The following SYNPO variants were observed in gnomAD, a reference collection of about 807,000 sequenced individuals.
SYNPO encodes synaptopodin.
In SYNPO, 19 loss-of-function variants were observed where a neutral mutation model predicts 49.5. That is an observed-to-expected ratio of 0.38 (90% CI 0.27 to 0.56). The LOEUF is 0.56. Among genes scored for constraint, SYNPO ranks in the 20% least tolerant of loss-of-function variants. The pLI is 0.68. For missense variants in SYNPO, 1,131 were observed against 1,248.3 expected (o/e 0.91, Z 1.42); for synonymous variants, 536 against 548.0 (o/e 0.98, Z 0.31).
intron 2 of SYNPO, among the ~76,000 whole-genome samples, chr5:150,629,861 C>T (rs1158026667): frequency 6.6e-6 from 1 of 152,080 alleles, no homozygotes; most frequent in Non-Finnish European, 1.5e-5. Flanking sequence ...AGGTCGCACA[C>T]CTGGTAAGTG....
chr5:150,610,711 T>C (rs1006906989), intron 1 of SYNPO, among the ~76,000 whole-genome samples: 1 of 152,230 alleles, frequency 6.6e-6, no homozygotes, highest in African/African-American at 2.4e-5. Context: ...ATTATTATTG[T>C]CCTCAAACTC....
chr5:150,586,204 T>C, the SYNPO span, among the ~76,000 whole-genome samples: 1 of 152,230 alleles, frequency 6.6e-6, no homozygotes, highest in Non-Finnish European at 1.5e-5. Flanking sequence ...GGAAAGCTCA[T>C]GCTTGACAGC....
Position 150,657,597 on chromosome 5 carries a change from G to A in SYNPO, c.*510G>A, listed in dbSNP as rs1758625691. 1 of 157,022 alleles carries A rather than the reference G, an allele frequency of 6.4e-6. No individual in the cohort carries two copies. The highest frequency in any genetic ancestry group is 6.2e-5 in the Admixed American group (1 of 16,094). The allele number at this position is 157,022 out of a possible 1,614,324, so 9.7% of individuals were successfully genotyped here. ...TGCTGTCTGGAGTCTGGCAAGCGGG[G>A]TGTGTTCAGAAGGTCCTAGGCCTGT... On this transcript the variant is annotated 3_prime_UTR_variant, in exon 3 of 3. Coordinates refer to ENST00000307662, the MANE Select transcript of SYNPO (RefSeq NM_007286.6).
chr5:150,656,603 A>G lies in SYNPO; in HGVS notation c.2228A>G (p.Glu743Gly). ...CGCTCGGTGTCCCCGCTGCGACCTGAGACCGAGGCGCGGCCCCCCAGCCGC... is the reference window on the plus strand; with the variant it reads ...CGCTCGGTGTCCCCGCTGCGACCTGGGACCGAGGCGCGGCCCCCCAGCCGC... ...SERSVSPLRP[E>G]TEARPPSRQL... Residue 743 changes from glutamate to glycine, a missense_variant, in exon 3 of 3, where the codon GAG becomes GGG. Physicochemically the swap from Glu to Gly is moderately conservative, Grantham distance 98. Coordinates refer to ENST00000307662, the MANE Select transcript of SYNPO (RefSeq NM_007286.6). 6.6e-7 allele frequency: 1 copy of G among 1,515,986 alleles called. No individual in the cohort carries two copies. The highest frequency in any genetic ancestry group is 8.8e-7 in the Non-Finnish European group (1 of 1,139,582). 93.9% of individuals were successfully genotyped at this position (1,515,986 alleles called of 1,614,324 possible). A position where few individuals can be genotyped will look rare whatever the true frequency, so the allele number is the denominator to read the frequency against.
chr5:150,648,606 C>A lies in SYNPO; in HGVS notation c.331C>A (p.Leu111Ile). 1 of 1,614,230 alleles carries A rather than the reference C, an allele frequency of 6.2e-7. No individual in the cohort carries two copies. Among genetic ancestry groups the A allele is most frequent in the African/African-American group, 1.3e-5 (1 of 75,056 alleles). ...AACTGTTGTCCCACAGAGCCTGCCACTTTCTAGCATCCAACAGAATTCCTC... is the reference window on the plus strand; with the variant it reads ...AACTGTTGTCCCACAGAGCCTGCCAATTTCTAGCATCCAACAGAATTCCTC... The part of the protein sequence containing the change: ...PATVVPQSLP[L>I]SSIQQNSSEA... The change falls in exon 2 of 3, where the codon CTT (leucine) becomes ATT (isoleucine). Residue 111 changes from leucine to isoleucine, a missense_variant. Physicochemically the swap from Leu to Ile is conservative, Grantham distance 5 (BLOSUM62 2). Around this residue, in one of 4 missense-constraint regions of SYNPO, gnomAD observed 602 missense variants for 720.7 expected, o/e 0.84. Transcript: ENST00000307662. The surrounding 1 kb of genome is among the most constrained non-coding windows in gnomAD (Gnocchi z 5.0).
chr5:150,618,565 C>T (rs1463182634), exon 2 of SYNPO: 24 of 1,549,356 alleles, frequency 1.5e-5, no homozygotes, highest in African/African-American at 6.8e-5. Context: ...GGAGTGGGGA[C>T]GACTCTGCCT....
At chr5:150,618,851 T>G in intron 2 of SYNPO, 1 of 1,493,668 alleles carries the variant, frequency 6.7e-7, no homozygotes, top group East Asian at 2.5e-5. Context: ...CTGACCATAT[T>G]TTTCCATGAT....
At chr5:150,622,854 A>C (rs1278820585) in intron 2 of SYNPO, among the ~76,000 whole-genome samples, 1 of 152,152 alleles carries the variant, frequency 6.6e-6, no homozygotes, top group African/African-American at 2.4e-5. Flanking sequence ...GTTCACATAC[A>C]CCTCACCATG....
upstream of SYNPO, among the ~76,000 whole-genome samples, chr5:150,597,944 A>C (rs1756454047): frequency 6.6e-6 from 1 of 152,106 alleles, no homozygotes; most frequent in South Asian, 2.1e-4. Context: ...AGACCACACT[A>C]AATTTGGCAT....
chr5:150,619,124 T>A (rs547828033), intron 2 of SYNPO, among the ~76,000 whole-genome samples: 7 of 152,164 alleles, frequency 4.6e-5, no homozygotes, highest in African/African-American at 1.7e-4. Context: ...AAGCAACCGA[T>A]GGGGCAGAAC....
intron 1 of SYNPO, among the ~76,000 whole-genome samples, chr5:150,603,065 G>T (rs932953786): frequency 1.3e-5 from 2 of 150,532 alleles, no homozygotes; most frequent in African/African-American, 5.0e-5. Context: ...AGTGCTATGT[G>T]GGAAGGGGCA....
Position 150,634,863 on chromosome 5 carries a change from C to CACA in SYNPO, c.401-13081_401-13080insACA, listed in dbSNP as rs919820578. The stretch of plus-strand genomic sequence containing the variant: ...ACACACACACACACACACACACACA[C>CACA]CACACACACACACACAAAGGGGACA... On this transcript the variant is annotated intron_variant, in intron 2 of 2. Coordinates refer to the SYNPO transcript ENST00000394243. Among the ~76,000 whole-genome samples, 181 of 45,842 alleles carry CACA rather than the reference C, an allele frequency of 3.9e-3. 1 individual carries two copies. Among genetic ancestry groups the CACA allele is most frequent in the African/African-American group, 0.022 (158 of 7,030 alleles). 30.1% of individuals were successfully genotyped at this position (45,842 alleles called of 152,430 possible).
intron 1 of SYNPO, chr5:150,617,954 G>A (rs1032230794): frequency 6.3e-6 from 1 of 159,592 alleles, no homozygotes; most frequent in Non-Finnish European, 1.4e-5. Flanking sequence ...TGGAGCTTTC[G>A]AAACACTTCC....
chr5:150,641,047 C>T (rs1757885565), intron 1 of SYNPO, among the ~76,000 whole-genome samples, 193 bp downstream of exon 1: 1 of 152,204 alleles, frequency 6.6e-6, no homozygotes, highest in African/African-American at 2.4e-5. Context: ...TGTCTTCTCC[C>T]ATGCCCGGCA....
intron 2 of SYNPO, among the ~76,000 whole-genome samples, chr5:150,619,166 G>T (rs1214918312): frequency 6.6e-6 from 1 of 152,150 alleles, no homozygotes; most frequent in East Asian, 1.9e-4. Flanking sequence ...TGCTGGCTAC[G>T]TGGGGGTGCT....
At chr5:150,656,291 C>A in intron 2 of SYNPO, 113 bp from the exon 3 acceptor site, 3 of 850,342 alleles carry the variant, frequency 3.5e-6, no homozygotes, top group Non-Finnish European at 5.2e-6. Context: ...TGACTTGGAT[C>A]GGTGGCTTCC....
rs1758608862 is a variant in SYNPO at position 150,657,330 on chromosome 5, A to G, written c.*243A>G. On this transcript the variant is annotated 3_prime_UTR_variant, in exon 3 of 3. Coordinates refer to ENST00000307662, the MANE Select transcript of SYNPO (RefSeq NM_007286.6). The stretch of plus-strand genomic sequence containing the variant: ...TGACCCTCAGCTTTCCCATCTGTTT[A>G]ATGGTGGCTTTGGCCAAGGCAATCC... 1.9e-6 allele frequency: 1 copy of G among 539,996 alleles called. No individual in the cohort carries two copies. The highest frequency in any genetic ancestry group is 2.5e-5 in the South Asian group (1 of 40,172). 33.5% of individuals were successfully genotyped at this position (539,996 alleles called of 1,614,324 possible).
At chr5:150,599,972 C>G (rs1018467295), upstream of SYNPO, among the ~76,000 whole-genome samples, 1 of 152,148 alleles carries the variant, frequency 6.6e-6, no homozygotes, top group Non-Finnish European at 1.5e-5. Flanking sequence ...AGACCCCAAC[C>G]GAGGGACCCT....
At chr5:150,641,184 C>A (rs1296672836) in intron 1 of SYNPO, among the ~76,000 whole-genome samples, 1 of 152,212 alleles carries the variant, frequency 6.6e-6, no homozygotes, top group Non-Finnish European at 1.5e-5. Flanking sequence ...GAGCCTGTGT[C>A]ATTTCCTCCT....
Sources: allele counts gnomAD v4.1 joint callset (sites outside exome capture counted in the v4.1 genomes callset), GRCh38; gene constraint gnomAD v4.1.1; regional missense constraint gnomAD v4.1.1; non-coding constraint Gnocchi (gnomAD v3.1); transcripts MANE v1.5; gene names NCBI Gene and HGNC (gene_info 2026-07-23, HGNC 2026-07-21).